SLC27A6: variants seen among roughly 807,000 people sequenced by gnomAD.
SLC27A6 encodes the protein long-chain fatty acid transport protein 6.
In SLC27A6, 74 loss-of-function variants were observed where a neutral mutation model predicts 63.9. The ratio of observed to expected loss-of-function variants is 1.16; its 90% confidence interval spans 0.96 to 1.40. The LOEUF is 1.40. Among genes scored for constraint, SLC27A6 ranks in the 40% most tolerant of loss-of-function variants. The probability of loss-of-function intolerance (pLI) is 0.00; values close to 1 mark genes in which losing one functional copy is unlikely to be tolerated. For missense variants in SLC27A6, 794 were observed against 732.9 expected (o/e 1.08, Z -0.96); for synonymous variants, 287 against 260.8 (o/e 1.10, Z -0.97).
intron 4 of SLC27A6, among the ~76,000 whole-genome samples, chr5:129,003,992 C>T (rs1194071396): frequency 7.3e-6 from 1 of 136,980 alleles, no homozygotes; most frequent in Non-Finnish European, 1.6e-5. Flanking sequence ...AAAAAAAGAA[C>T]CTCAAACTCA....
intron 1 of SLC27A6, among the ~76,000 whole-genome samples, chr5:128,967,502 AATAG>A (rs35176183): frequency 0.24 from 36,648 of 152,142 alleles, 4,968 homozygotes; most frequent in Middle Eastern, 0.33. Flanking sequence ...ATTTTAGATT[AATAG>A]ATACATACCA....
Position 129,016,099 on chromosome 5 carries a change from T to C in SLC27A6, c.1164+20T>C. 3 of 1,545,230 alleles carry C rather than the reference T, an allele frequency of 1.9e-6. No individual in the cohort carries two copies. The highest frequency in any genetic ancestry group is 2.3e-5 in the East Asian group (1 of 42,830). ...TACAAAGTAAGTACAGCATTTTCCTTATTAAAGAAATACATCGGTGCGGTG... is the reference window on the plus strand; with the variant it reads ...TACAAAGTAAGTACAGCATTTTCCTCATTAAAGAAATACATCGGTGCGGTG... On this transcript the variant is annotated intron_variant, in intron 5 of 9. Transcript: ENST00000262462.
chr5:128,966,663 C>T (rs1749915562), intron 1 of SLC27A6, 45 bp downstream of exon 1: 1 of 1,416,030 alleles, frequency 7.1e-7, no homozygotes, highest in Non-Finnish European at 9.2e-7. Flanking sequence ...GGCAGCCCAC[C>T]TGCTTTCATA....
In SLC27A6 at chr5:129,027,306, T is replaced by G. The variant is rs765120068; in HGVS notation, c.1429T>G (p.Trp477Gly). Residue 477 changes from tryptophan (W) to glycine (G), a missense_variant, in exon 7 of 10, where the codon TGG becomes GGG. Physicochemically the swap from Trp to Gly is radical, Grantham distance 184. Transcript: ENST00000262462. ...GGATCAGGACAATTTCCTTTATTTT[T>G]GGGACCGTACTGGAGACACTTTCAG... is the stretch of plus-strand genomic sequence containing the variant. ...VQDQDNFLYF[W>G]DRTGDTFRWK... 1.1e-5 allele frequency: 18 copies of G among 1,612,552 alleles called. No individual in the cohort carries two copies. The African/African-American group carries it at 1.6e-4, about 14-fold the overall frequency.
chr5:128,980,890 A>G (rs981225496), intron 1 of SLC27A6, among the ~76,000 whole-genome samples: 2 of 152,158 alleles, frequency 1.3e-5, no homozygotes, highest in African/African-American at 4.8e-5. Context: ...AGCATAAATA[A>G]TATAACTCAT....
At chr5:128,969,484 C>T (rs940191457) in intron 1 of SLC27A6, among the ~76,000 whole-genome samples, 2 of 152,098 alleles carry the variant, frequency 1.3e-5, no homozygotes, top group African/African-American at 4.8e-5. Context: ...CCTTCACATC[C>T]CTTGTAAGTT....
chr5:129,029,529 A>C, intron 8 of SLC27A6, 48 bp from the exon 9 acceptor site: 1 of 1,318,180 alleles, frequency 7.6e-7, no homozygotes, highest in Non-Finnish European at 1.1e-6. Context: ...TTATCTTTTA[A>C]AGTTTATTTG....
chr5:128,973,937 C>A (rs1750284112), intron 1 of SLC27A6, among the ~76,000 whole-genome samples: 1 of 152,228 alleles, frequency 6.6e-6, no homozygotes, highest in Admixed American at 6.5e-5. Flanking sequence ...CTTCTGAGCA[C>A]TCATTTTAAT....
At chr5:128,969,515 C>G (rs895990934) in intron 1 of SLC27A6, among the ~76,000 whole-genome samples, 9 of 152,068 alleles carry the variant, frequency 5.9e-5, no homozygotes, top group Admixed American at 5.9e-4. Flanking sequence ...GTATTTTATT[C>G]TCTTTGTAGC....
intron 4 of SLC27A6, among the ~76,000 whole-genome samples, chr5:129,009,827 G>A (rs1047377855): frequency 2.2e-4 from 34 of 151,988 alleles, no homozygotes; most frequent in African/African-American, 7.7e-4. Flanking sequence ...GGTGCACGCT[G>A]CCATGCCTGG....
chr5:128,975,033 A>C (rs1295777667), intron 1 of SLC27A6, among the ~76,000 whole-genome samples: 1 of 152,224 alleles, frequency 6.6e-6, no homozygotes, highest in Non-Finnish European at 1.5e-5. Flanking sequence ...GAATCACTTA[A>C]TGACAAGGAT....
chr5:128,990,415 T>C lies in SLC27A6; in HGVS notation c.920T>C (p.Val307Ala). Residue 307 changes from valine (V) to alanine (A), a missense_variant, in exon 4 of 10, where the codon GTG (valine) becomes GCG (alanine). Transcript: ENST00000262462. ...WSDCKKYDVTVFQYIGELCRY... is the reference protein window; with the variant it reads ...WSDCKKYDVTAFQYIGELCRY... The stretch of plus-strand genomic sequence containing the variant: ...GACTGCAAGAAGTATGATGTGACTG[T>C]GTTTCAGTATATTGGAGAACTTTGT... 2 of 1,613,956 alleles carry C rather than the reference T, an allele frequency of 1.2e-6. No homozygotes were observed. Among genetic ancestry groups the C allele is most frequent in the Non-Finnish European group, 1.7e-6 (2 of 1,179,926 alleles).
chr5:128,981,480 C>CAA (rs548392802), intron 1 of SLC27A6, among the ~76,000 whole-genome samples: 1 of 112,130 alleles, frequency 8.9e-6, no homozygotes, highest in Non-Finnish European at 1.9e-5. Flanking sequence ...GACTCCATCT[C>CAA]AAAAAAAAAA....
intron 1 of SLC27A6, among the ~76,000 whole-genome samples, chr5:128,976,396 C>T (rs1375331823): frequency 6.6e-6 from 1 of 152,126 alleles, no homozygotes; most frequent in Non-Finnish European, 1.5e-5. Context: ...TGCCTATAAT[C>T]CCAGCTACTC....
At position 129,029,565 on chromosome 5, in the gene SLC27A6, A is replaced by G. The variant is rs554790395; in HGVS notation, c.1553-12A>G. On this transcript the variant is annotated splice_polypyrimidine_tract_variant and intron_variant, in intron 8 of 9. Coordinates refer to ENST00000262462, the MANE Select transcript of SLC27A6 (RefSeq NM_001017372.3). Reference sequence around the variant, plus strand: ...GTACTTAAAAATGACTCTATTTCAAACTTTTTTTCAGGTTATGAAGGAAGA... The same window carrying G: ...GTACTTAAAAATGACTCTATTTCAAGCTTTTTTTCAGGTTATGAAGGAAGA... The G allele has an allele frequency of 3.2e-5, 50 of 1,547,488 alleles. 1 individual carries two copies. The Admixed American group carries it at 7.2e-4, about 22-fold the overall frequency.
chr5:128,994,785 G>A (rs960070187), intron 4 of SLC27A6, among the ~76,000 whole-genome samples: 1 of 152,186 alleles, frequency 6.6e-6, no homozygotes, highest in Non-Finnish European at 1.5e-5. Context: ...TGAGTTGAAT[G>A]TTTATGTGTA....
chr5:129,023,911 T>C (rs1399387424), intron 6 of SLC27A6, among the ~76,000 whole-genome samples: 3 of 152,240 alleles, frequency 2.0e-5, no homozygotes, highest in African/African-American at 7.2e-5. Flanking sequence ...ACAGGTTGCT[T>C]ATAATACATA....
intron 1 of SLC27A6, among the ~76,000 whole-genome samples, chr5:128,981,266 G>C (rs774808229): frequency 6.6e-6 from 1 of 152,076 alleles, no homozygotes; most frequent in Non-Finnish European, 1.5e-5. Context: ...GATCACCTGA[G>C]GTCAGGAGCT....
chr5:129,033,066 T>G (rs1752460330), intron 9 of SLC27A6, 40 bp from the exon 10 acceptor site: 1 of 1,381,224 alleles, frequency 7.2e-7, no homozygotes, highest in African/African-American at 1.5e-5. Context: ...TATATTATAG[T>G]TATTAAATGA....
Sources: gnomAD v4.1 joint callset for allele counts (sites outside exome capture counted in the v4.1 genomes callset) on GRCh38, gnomAD v4.1.1 for gene constraint, MANE v1.5 for transcripts, NCBI Gene and HGNC (gene_info 2026-07-23, HGNC 2026-07-21) for gene names.